The following LARP1B variants were observed in gnomAD, a reference collection of about 807,000 sequenced individuals.
The protein encoded by LARP1B is la-related protein 1B.
A neutral mutation model predicts 114.2 loss-of-function variants in LARP1B; 76 were observed. The observed-to-expected ratio is 0.67, with a 90% CI of 0.55 to 0.81. LARP1B has a LOEUF of 0.81. Ranked by LOEUF, LARP1B falls within the 30% of genes least tolerant of loss-of-function variation. LARP1B has a pLI of 0.00. For synonymous variants in LARP1B, 345 were observed against 348.0 expected, an observed-to-expected ratio of 0.99 and a Z score of 0.10; for missense variants, 1,014 against 1,075.8, an observed-to-expected ratio of 0.94 and a Z score of 0.80.
chr4:128,209,761 T>G, intron 19 of LARP1B, 95 bp from the exon 20 acceptor site: 1 of 987,368 alleles, frequency 1.0e-6, no homozygotes, highest in Non-Finnish European at 1.6e-6. Context: ...GAAGTGTCCA[T>G]TTAACTTACT....
At chr4:128,187,669 A>G (rs117995399) in intron 15 of LARP1B, among the ~76,000 whole-genome samples, 2,738 of 152,292 alleles carry the variant, frequency 0.018, 66 homozygotes, top group East Asian at 0.11. Flanking sequence ...AGATTTTGCA[A>G]TGTGAGAAGG....
At chr4:128,162,396 TTTTC>T in intron 12 of LARP1B, 79 bp downstream of exon 12, 1 of 1,266,462 alleles carries the variant, frequency 7.9e-7, no homozygotes, top group Non-Finnish European at 1.1e-6. Flanking sequence ...TGCTCCTTTT[TTTTC>T]TTTATTTGTG....
intron 15 of LARP1B, among the ~76,000 whole-genome samples, chr4:128,194,447 C>T (rs1753342399): frequency 6.6e-6 from 1 of 151,302 alleles, no homozygotes; most frequent in Non-Finnish European, 1.5e-5. Context: ...CTTTGGGAGG[C>T]CGAGGCGGGC....
intron 7 of LARP1B, among the ~76,000 whole-genome samples, chr4:128,097,303 T>A (rs1778429204): frequency 6.6e-6 from 1 of 152,010 alleles, no homozygotes; most frequent in African/African-American, 2.4e-5. Context: ...TAAGTTTTTT[T>A]TGTTTTGTTT....
intron 15 of LARP1B, among the ~76,000 whole-genome samples, chr4:128,181,180 C>CTTTTTT (rs70966086): frequency 6.2e-5 from 8 of 130,002 alleles, no homozygotes; most frequent in Non-Finnish European, 6.7e-5. Flanking sequence ...CTCATCCATT[C>CTTTTTT]TTTTTTTTTT....
intron 6 of LARP1B, among the ~76,000 whole-genome samples, chr4:128,219,787 A>C (rs1219798345): frequency 1.4e-5 from 2 of 147,984 alleles, no homozygotes; most frequent in Admixed American, 6.7e-5. Flanking sequence ...CTAAAACTTA[A>C]AGTATAATAA....
chr4:128,066,165 C>CTTTTTTTTTTTT (rs59927866), intron 1 of LARP1B, among the ~76,000 whole-genome samples: 391 of 99,124 alleles, frequency 3.9e-3, no homozygotes, highest in Non-Finnish European at 4.8e-3. Context: ...TTTCTTTCTT[C>CTTTTTTTTTTTT]TTTTTTTTTT....
intron 8 of LARP1B, among the ~76,000 whole-genome samples, chr4:128,098,747 G>GTGTATGTATATA: frequency 1.3e-4 from 2 of 15,584 alleles, no homozygotes; most frequent in Non-Finnish European, 2.6e-4. Flanking sequence ...ATATGTATGT[G>GTGTATGTATATA]TATATATATA....
chr4:128,061,554 C>T, intron 1 of LARP1B, 153 bp downstream of exon 1: 2 of 437,506 alleles, frequency 4.6e-6, no homozygotes, highest in South Asian at 9.4e-5. Context: ...CGGCGGGCGG[C>T]GGCAGCGGCG....
rs201646283 is a variant in LARP1B, at chr4:128,114,532, A to G, written c.989-38A>G. The stretch of plus-strand genomic sequence containing the variant: ...GTGTATTTTGTAAGTAAGAAAAGCC[A>G]TTATCATTTTAACTATAGAACTAAC... On this transcript the variant is annotated intron_variant, in intron 9 of 19. Coordinates refer to ENST00000326639, the MANE Select transcript of LARP1B (RefSeq NM_018078.4). The G allele has an allele frequency of 1.3e-3, 1,903 of 1,444,954 alleles. 2 individuals carry two copies. Among genetic ancestry groups the G allele is most frequent in the Non-Finnish European group, 1.6e-3 (1,718 of 1,049,850 alleles). The allele number at this position is 1,444,954 out of a possible 1,614,324, so 89.5% of individuals were successfully genotyped here. A position where few individuals can be genotyped will look rare whatever the true frequency, so the allele number is the denominator to read the frequency against.
chr4:128,202,068 T>C (rs1756130882), intron 17 of LARP1B, among the ~76,000 whole-genome samples: 1 of 152,226 alleles, frequency 6.6e-6, no homozygotes, highest in Non-Finnish European at 1.5e-5. Context: ...TTATCTGTTA[T>C]CTATATCAGG....
chr4:128,217,064 A>T (rs993681075), intron 6 of LARP1B, among the ~76,000 whole-genome samples: 36 of 150,536 alleles, frequency 2.4e-4, no homozygotes, highest in Admixed American at 2.3e-3. Flanking sequence ...ACATTCCTCG[A>T]CACATACACT....
At chr4:128,202,498 G>C (rs1288648364) in intron 17 of LARP1B, among the ~76,000 whole-genome samples, 1 of 152,158 alleles carries the variant, frequency 6.6e-6, no homozygotes, top group East Asian at 1.9e-4. Flanking sequence ...TATTGATTTA[G>C]TTATAAGGTA....
chr4:128,127,758 C>T (rs1410471407), intron 11 of LARP1B, among the ~76,000 whole-genome samples: 4 of 152,214 alleles, frequency 2.6e-5, no homozygotes, highest in Middle Eastern at 3.4e-3. Flanking sequence ...GCTTGAACCC[C>T]GGGAGGTGGA....
chr4:128,096,262 G>A (rs1052965164), intron 7 of LARP1B, among the ~76,000 whole-genome samples: 3 of 151,924 alleles, frequency 2.0e-5, no homozygotes, highest in African/African-American at 4.8e-5. Flanking sequence ...CAAAGTGCTG[G>A]GATTACAGGC....
intron 11 of LARP1B, among the ~76,000 whole-genome samples, chr4:128,133,620 G>A (rs1792248099): frequency 6.6e-6 from 1 of 152,204 alleles, no homozygotes; most frequent in South Asian, 2.1e-4. Context: ...AAACCTTGTG[G>A]TACTGTCATA....
At chr4:128,196,008 C>T (rs1294107733) in intron 15 of LARP1B, among the ~76,000 whole-genome samples, 1 of 152,004 alleles carries the variant, frequency 6.6e-6, no homozygotes, top group Non-Finnish European at 1.5e-5. Context: ...AATCCCAGCA[C>T]TTTGTGAGGC....
Position 128,079,584 on chromosome 4 carries a change from A to G in LARP1B, c.217+1622A>G, listed in dbSNP as rs376022472. On this transcript the variant is annotated intron_variant, in intron 4 of 19. Transcript: ENST00000326639. ...TTTAAAAATGTTTTTAAAATTTTGAAACAGGGTCTTGCTCTGTCACCCAGG... is the reference window on the plus strand; with the variant it reads ...TTTAAAAATGTTTTTAAAATTTTGAGACAGGGTCTTGCTCTGTCACCCAGG... Among the ~76,000 whole-genome samples the G allele has an allele frequency of 6.0e-4, 89 of 149,144 alleles. 1 individual carries two copies. The highest frequency in any genetic ancestry group is 2.1e-3 in the African/African-American group (86 of 40,598).
At chr4:128,098,037 C>T (rs1427417585) in intron 7 of LARP1B, 149 bp from the exon 8 acceptor site, 75 of 525,404 alleles carry the variant, frequency 1.4e-4, no homozygotes, top group South Asian at 3.4e-4. Context: ...ATATGTTTAC[C>T]CTATCTGTGT....
Sources: allele counts gnomAD v4.1 joint callset (sites outside exome capture counted in the v4.1 genomes callset), GRCh38; gene constraint gnomAD v4.1.1; transcripts MANE v1.5; gene names NCBI Gene and HGNC (gene_info 2026-07-23, HGNC 2026-07-21).